ARMC3: variants seen among roughly 807,000 people sequenced by gnomAD.
ARMC3 encodes armadillo repeat containing 3.
In ARMC3, 74 loss-of-function variants were observed where a neutral mutation model predicts 90.3. The observed-to-expected ratio is 0.82, with a 90% CI of 0.68 to 0.99. The LOEUF is 0.99. ARMC3 is among the 50% of genes least tolerant of loss of function. ARMC3 has a pLI of 0.00. For missense variants in ARMC3, 958 were observed against 1,042.8 expected (o/e 0.92, Z 1.12); for synonymous variants, 334 against 361.8 (o/e 0.92, Z 0.87).
rs777215659 is a variant in ARMC3 at position 22,955,801 on chromosome 10, T to C, written c.167-6T>C. 6 of 1,613,834 alleles carry C rather than the reference T, an allele frequency of 3.7e-6. No individual in the cohort carries two copies. The African/African-American group carries it at 4.0e-5, about 11-fold the overall frequency. On this transcript the variant is annotated splice_region_variant and splice_polypyrimidine_tract_variant and intron_variant, in intron 3 of 18. Coordinates refer to ENST00000298032, the MANE Select transcript of ARMC3 (RefSeq NM_173081.5). ...ATGTGTGGTTTTGTTTTACGTGTGATGTCAGGTGAGGAAAATAAAACAACC... is the reference window on the plus strand; with the variant it reads ...ATGTGTGGTTTTGTTTTACGTGTGACGTCAGGTGAGGAAAATAAAACAACC...
rs377014530 is a variant in ARMC3 at position 23,030,684 on chromosome 10, G to C, written c.2134G>C (p.Asp712His). Reference protein sequence around the residue: ...VPKFVGEGSSDKEWCPPSDPD... With the variant: ...VPKFVGEGSSHKEWCPPSDPD... ...AAAATTTGTTGGTGAAGGAAGCTCT[G>C]ACAAAGAATGGTGTCCTCCCTCTGA... Residue 712 changes from aspartate (D) to histidine (H), a missense_variant, in exon 17 of 19, where the codon GAC becomes CAC. By Grantham distance (81) the Asp-to-His change is moderately conservative. Coordinates refer to ENST00000298032, the MANE Select transcript of ARMC3 (RefSeq NM_173081.5). The C allele has an allele frequency of 9.9e-6, 16 of 1,613,908 alleles. No homozygotes were observed. Among genetic ancestry groups the C allele is most frequent in the Non-Finnish European group, 1.4e-5 (16 of 1,179,878 alleles).
Position 23,008,909 on chromosome 10 carries a change from G to A in ARMC3, c.2023G>A (p.Ala675Thr), listed in dbSNP as rs150029689. 10 of 1,613,228 alleles carry A rather than the reference G, an allele frequency of 6.2e-6. No individual in the cohort carries two copies. Among genetic ancestry groups the A allele is most frequent in the African/African-American group, 4.0e-5 (3 of 74,874 alleles). The stretch of plus-strand genomic sequence containing the variant: ...ACGAAATACTGTTCTCAGCAAAAGC[G>A]CCACCAAAGAAAAAGGATGGAGGTA... Reference protein sequence around the residue: ...SGRNTVLSKSATKEKGWRKSK... With the variant: ...SGRNTVLSKSTTKEKGWRKSK... The change falls in exon 16 of 19, where the codon GCC (alanine) becomes ACC (threonine). Residue 675 changes from alanine to threonine, a missense_variant. Physicochemically the swap from Ala to Thr is moderately conservative, Grantham distance 58 (BLOSUM62 0). Coordinates refer to ENST00000298032, the MANE Select transcript of ARMC3 (RefSeq NM_173081.5).
chr10:22,968,387 CAGACAGGGGGTCTTAAAA>C lies in ARMC3; in HGVS notation c.817_834del (p.Thr273_Lys278del). ...CATGGATACTATGGTGCAGATTCAGCAGACAGGGGGTCTTAAAAAGCTCCTGTCATTTGCAGAAAACTC... is the reference window on the plus strand; with the variant it reads ...CATGGATACTATGGTGCAGATTCAGCAGCTCCTGTCATTTGCAGAAAACTC... On this transcript the variant is annotated inframe_deletion, in exon 8 of 19. Coordinates refer to ENST00000298032, the MANE Select transcript of ARMC3 (RefSeq NM_173081.5). 1 of 1,613,814 alleles carries C rather than the reference CAGACAGGGGGTCTTAAAA, an allele frequency of 6.2e-7. No individual in the cohort carries two copies. The highest frequency in any genetic ancestry group is 8.5e-7 in the Non-Finnish European group (1 of 1,179,820).
At chr10:22,995,881 T>C (rs1370247428) in intron 10 of ARMC3, among the ~76,000 whole-genome samples, 1 of 152,208 alleles carries the variant, frequency 6.6e-6, no homozygotes, top group Non-Finnish European at 1.5e-5. Context: ...AAAATACTTC[T>C]GTTTCTATCC....
In ARMC3 at chr10:23,008,320, G is replaced by A. The variant is rs1340640508; in HGVS notation, c.1874G>A (p.Gly625Glu). 1.9e-6 allele frequency: 3 copies of A among 1,559,844 alleles called. No individual in the cohort carries two copies. Among genetic ancestry groups the A allele is most frequent in the Non-Finnish European group, 2.6e-6 (3 of 1,143,404 alleles). Residue 625 changes from glycine to glutamate, a missense_variant, in exon 15 of 19, where the codon GGA becomes GAA. Physicochemically the swap from Gly to Glu is moderately conservative, Grantham distance 98. Coordinates refer to ENST00000298032, the MANE Select transcript of ARMC3 (RefSeq NM_173081.5). ...SMEDKSDVGY[G>E]RSISSSSSLR... The stretch of plus-strand genomic sequence containing the variant: ...GAAGATAAATCAGATGTTGGTTATG[G>A]ACGAAGTATTTCTTCTTCATCTTCC...
chr10:23,012,106 C>G (rs964476932), intron 16 of ARMC3, among the ~76,000 whole-genome samples: 1 of 152,134 alleles, frequency 6.6e-6, no homozygotes, highest in Non-Finnish European at 1.5e-5. Context: ...TTACAATTGT[C>G]TTATTTTTCT....
chr10:22,952,114 A>G (rs1362367210), intron 3 of ARMC3, among the ~76,000 whole-genome samples: 2 of 152,096 alleles, frequency 1.3e-5, no homozygotes, highest in African/African-American at 2.4e-5. Flanking sequence ...ACAGAGTGAG[A>G]CTCCATCTCA....
chr10:23,023,387 A>G (rs1838585465), intron 16 of ARMC3, among the ~76,000 whole-genome samples: 1 of 152,182 alleles, frequency 6.6e-6, no homozygotes, highest in South Asian at 2.1e-4. Flanking sequence ...TAAAATACAT[A>G]AAGAGAGCCA....
At chr10:22,984,070 A>C (rs956477711) in intron 10 of ARMC3, among the ~76,000 whole-genome samples, 3 of 152,176 alleles carry the variant, frequency 2.0e-5, no homozygotes, top group African/African-American at 7.2e-5. Flanking sequence ...AAAAGCCCAG[A>C]GTTAACTTCC....
intron 18 of ARMC3, among the ~76,000 whole-genome samples, chr10:23,035,312 C>T (rs1165829911): frequency 6.6e-6 from 1 of 152,096 alleles, no homozygotes; most frequent in Non-Finnish European, 1.5e-5. Context: ...CCTCCAAATG[C>T]CATCACATTA....
chr10:22,986,040 CAT>C (rs1231324826), intron 10 of ARMC3, among the ~76,000 whole-genome samples: 3 of 150,952 alleles, frequency 2.0e-5, no homozygotes, highest in Non-Finnish European at 4.4e-5. Flanking sequence ...CATTTTCTAA[CAT>C]AGCATGTAAC....
intron 17 of ARMC3, 81 bp from the exon 18 acceptor site, chr10:23,032,780 A>T: frequency 7.4e-7 from 1 of 1,354,074 alleles, no homozygotes; most frequent in South Asian, 1.4e-5. Context: ...TTTTACATGT[A>T]TATTTACATG....
chr10:22,980,186 A>G (rs1416687897), intron 8 of ARMC3, among the ~76,000 whole-genome samples: 1 of 152,222 alleles, frequency 6.6e-6, no homozygotes, highest in Non-Finnish European at 1.5e-5. Context: ...CTAAATTATT[A>G]TCAGCATTTT....
intron 10 of ARMC3, chr10:22,997,353 A>C (rs906030393): frequency 1.3e-5 from 2 of 152,220 alleles, no homozygotes; most frequent in African/African-American, 4.8e-5. Flanking sequence ...CCGGGTGCTC[A>C]AAAACAAGGA....
At chr10:22,952,238 G>C (rs1322985624) in intron 3 of ARMC3, among the ~76,000 whole-genome samples, 6 of 152,052 alleles carry the variant, frequency 3.9e-5, no homozygotes, top group Non-Finnish European at 8.8e-5. Flanking sequence ...AAATTGATGA[G>C]CCATAAAAAT....
intron 12 of ARMC3, 58 bp downstream of exon 12, chr10:23,002,113 A>G: frequency 6.3e-7 from 1 of 1,586,908 alleles, no homozygotes; most frequent in Non-Finnish European, 8.6e-7. Flanking sequence ...ACGGAGAGGC[A>G]CACTCTTTAG....
intron 3 of ARMC3, among the ~76,000 whole-genome samples, chr10:22,947,472 A>C (rs562752431): frequency 3.3e-5 from 5 of 152,364 alleles, no homozygotes; most frequent in African/African-American, 1.2e-4. Flanking sequence ...TGATTTTTAA[A>C]ATCAGACAAA....
chr10:22,969,244 A>T (rs1835578980), intron 8 of ARMC3, among the ~76,000 whole-genome samples: 1 of 152,214 alleles, frequency 6.6e-6, no homozygotes, highest in African/African-American at 2.4e-5. Context: ...AGTTATGTTG[A>T]TATAAATCTG....
Position 23,037,498 on chromosome 10 carries a change from G to C in ARMC3, c.*19G>C, listed in dbSNP as rs1268171952. On this transcript the variant is annotated 3_prime_UTR_variant, in exon 19 of 19. Transcript: ENST00000298032. The stretch of plus-strand genomic sequence containing the variant: ...CATTTAAGCCATCAGACGAACACAA[G>C]AGAGGCTCAAACAAGAAATTCACTG... 3 of 1,598,822 alleles carry C rather than the reference G, an allele frequency of 1.9e-6. No homozygotes were observed. The East Asian group carries it at 6.7e-5, about 36-fold the overall frequency.
Sources: gnomAD v4.1 joint callset for allele counts (sites outside exome capture counted in the v4.1 genomes callset) on GRCh38, gnomAD v4.1.1 for gene constraint, MANE v1.5 for transcripts, NCBI Gene and HGNC (gene_info 2026-07-23, HGNC 2026-07-21) for gene names.